Variants in EXO1 observed in about 807,000 individuals in gnomAD.
EXO1 encodes the protein exonuclease 1.
EXO1 carries 69 observed loss-of-function variants against 84.5 expected under a neutral mutation model. The ratio of observed to expected loss-of-function variants is 0.82; its 90% confidence interval spans 0.67 to 1.00. EXO1 has a LOEUF of 1.00. EXO1 is among the 50% of genes least tolerant of loss of function. The pLI is 0.00. For missense variants in EXO1, 1,045 were observed against 1,000.7 expected (o/e 1.04, Z -0.60); for synonymous variants, 373 against 366.1 (o/e 1.02, Z -0.21).
At chr1:241,856,078 G>C (rs944667091) in intron 6 of EXO1, among the ~76,000 whole-genome samples, 6 of 152,370 alleles carry the variant, frequency 3.9e-5, no homozygotes, top group African/African-American at 1.4e-4. Flanking sequence ...GGGAGCCCAG[G>C]CAGAGGAGGC....
chr1:241,878,532 T>C (rs1485551692), intron 12 of EXO1, among the ~76,000 whole-genome samples: 1 of 151,190 alleles, frequency 6.6e-6, no homozygotes, highest in Admixed American at 6.6e-5. Context: ...TGTCTAAAAA[T>C]TCATCGTATA....
Position 241,878,405 on chromosome 1 carries a change from G to T in EXO1, c.1515-344G>T, listed in dbSNP as rs964454152. On this transcript the variant is annotated intron_variant, in intron 12 of 15. Transcript: ENST00000366548. ...CCACCTACTCAGGAGGCTGAGGCAG[G>T]AGAATTGCTTGAACCCGGGGGGCGG... Among the ~76,000 whole-genome samples the T allele has an allele frequency of 1.8e-4, 28 of 151,792 alleles. 1 individual carries two copies. The highest frequency in any genetic ancestry group is 4.8e-5 in the African/African-American group (2 of 41,294).
chr1:241,855,512 G>A (rs948057161), intron 6 of EXO1, among the ~76,000 whole-genome samples: 1 of 152,234 alleles, frequency 6.6e-6, no homozygotes, highest in Non-Finnish European at 1.5e-5. Flanking sequence ...GAGCCCAGCT[G>A]GCTTCACCCA....
At chr1:241,880,355 G>A (rs1196738177) in intron 13 of EXO1, among the ~76,000 whole-genome samples, 1 of 152,062 alleles carries the variant, frequency 6.6e-6, no homozygotes, top group East Asian at 1.9e-4. Flanking sequence ...AGCTCCTTTG[G>A]GGTTATCTTT....
At position 241,852,176 on chromosome 1, in the gene EXO1, A is replaced by T. The variant is rs2148384759; in HGVS notation, c.162-116A>T. On this transcript the variant is annotated intron_variant, in intron 4 of 15. Transcript: ENST00000366548. ...CCAATTCCTATGAAAACATCTGCTT[A>T]AAATAACAAAATAAAAAACCTTCTC... is the stretch of plus-strand genomic sequence containing the variant. The T allele has an allele frequency of 1.3e-5, 12 of 934,620 alleles. No individual in the cohort carries two copies. The South Asian group carries it at 1.7e-4, about 13-fold the overall frequency. 57.9% of individuals were successfully genotyped at this position (934,620 alleles called of 1,614,324 possible). A position where few individuals can be genotyped will look rare whatever the true frequency, so the allele number is the denominator to read the frequency against.
intron 14 of EXO1, among the ~76,000 whole-genome samples, chr1:241,883,613 A>G (rs1013906115): frequency 9.9e-5 from 15 of 152,196 alleles, no homozygotes; most frequent in African/African-American, 3.6e-4. Context: ...AGATACAAAT[A>G]TGAAATATGT....
Position 241,889,598 on chromosome 1 carries a change from T to G in EXO1, c.2539T>G (p.Ter847GluextTer23). Residue 847 changes from the stop codon to glutamate, a stop_lost, in exon 16 of 16, where the codon TAA becomes GAA. Coordinates refer to ENST00000366548, the MANE Select transcript of EXO1 (RefSeq NM_130398.4). Reference sequence around the variant, plus strand: ...CCGTGTTCAAAGAGCAATATTCCAGTAAATGCAGACTGCTGCAAAGCTTTT... The same window carrying G: ...CCGTGTTCAAAGAGCAATATTCCAGGAAATGCAGACTGCTGCAAAGCTTTT... The part of the protein sequence containing the change: ...CGRVQRAIFQ[*>E] The G allele has an allele frequency of 1.9e-6, 3 of 1,614,002 alleles. No homozygotes were observed. Among genetic ancestry groups the G allele is most frequent in the Non-Finnish European group, 2.5e-6 (3 of 1,179,912 alleles).
rs758843857 is a variant in EXO1 at position 241,879,099 on chromosome 1, C to T, written c.1865C>T (p.Pro622Leu). The T allele has an allele frequency of 3.1e-6, 5 of 1,613,802 alleles. No homozygotes were observed. The highest frequency in any genetic ancestry group is 1.3e-5 in the African/African-American group (1 of 74,896). The change falls in exon 13 of 16, where the codon CCG becomes CTG. Residue 622 changes from proline (P) to leucine (L), a missense_variant. By Grantham distance (98) the Pro-to-Leu change is moderately conservative. Transcript: ENST00000366548. ...GGTCTTGGAGATTTTTCAAGAACGC[C>T]GAGCCCCTCTCCAAGCACAGCATTG... ...SGGLGDFSRT[P>L]SPSPSTALQQ...
At chr1:241,868,374 C>CAAAAAAA (rs10591886) in intron 11 of EXO1, among the ~76,000 whole-genome samples, 1 of 115,890 alleles carries the variant, frequency 8.6e-6, no homozygotes. Context: ...GAATCCATCT[C>CAAAAAAA]AAAAAAAAAA....
At chr1:241,888,409 ACTGT>A (rs34855933) in intron 15 of EXO1, among the ~76,000 whole-genome samples, 104,014 of 151,512 alleles carry the variant, frequency 0.69, 37,661 homozygotes, top group Non-Finnish European at 0.81. Context: ...GTGTGATGCC[ACTGT>A]CTTGATTCAC....
chr1:241,886,846 AT>A (rs1663097579), intron 15 of EXO1, among the ~76,000 whole-genome samples: 1 of 152,104 alleles, frequency 6.6e-6, no homozygotes, highest in Admixed American at 6.6e-5. Flanking sequence ...ATGGCTTTAC[AT>A]TTCATTTTGC....
chr1:241,850,942 C>T (rs549920346), intron 4 of EXO1, among the ~76,000 whole-genome samples: 1 of 143,710 alleles, frequency 7.0e-6, no homozygotes, highest in African/African-American at 2.6e-5. Flanking sequence ...TCAAGCAATT[C>T]TCCTGTCTCA....
intron 15 of EXO1, among the ~76,000 whole-genome samples, chr1:241,888,380 T>C (rs529218174): frequency 1.3e-4 from 19 of 149,428 alleles, no homozygotes; most frequent in African/African-American, 4.6e-4. Context: ...ATACAAATAG[T>C]CCTGGTATGA....
intron 10 of EXO1, among the ~76,000 whole-genome samples, chr1:241,866,324 G>C (rs879504806): frequency 5.3e-5 from 8 of 152,212 alleles, no homozygotes; most frequent in Non-Finnish European, 1.2e-4. Flanking sequence ...ATGTTGGCAA[G>C]GCTGGTCTCG....
At position 241,860,516 on chromosome 1, in the gene EXO1, G is replaced by C; in HGVS notation, c.757-1G>C. On this transcript the variant is annotated splice_acceptor_variant, in intron 8 of 15. Coordinates refer to ENST00000366548, the MANE Select transcript of EXO1 (RefSeq NM_130398.4). LOFTEE classifies it high-confidence loss of function. ...TAAAATATTTTTGCATGCATTGTTA[G>C]GTTATCAAGAAAATTGGACATTATC... is the stretch of plus-strand genomic sequence containing the variant. The C allele has an allele frequency of 6.2e-7, 1 of 1,609,932 alleles. No individual in the cohort carries two copies. The highest frequency in any genetic ancestry group is 8.5e-7 in the Non-Finnish European group (1 of 1,176,234).
rs1237840444 is a variant in EXO1 at position 241,879,153 on chromosome 1, C to T, written c.1919C>T (p.Pro640Leu). The T allele has an allele frequency of 1.9e-6, 3 of 1,608,710 alleles. No individual in the cohort carries two copies. Among genetic ancestry groups the T allele is most frequent in the Non-Finnish European group, 2.6e-6 (3 of 1,175,280 alleles). Residue 640 changes from proline to leucine, a missense_variant, in exon 13 of 16, where the codon CCC (proline) becomes CTC (leucine). Pro to Leu is a moderately conservative substitution (Grantham distance 98). Coordinates refer to ENST00000366548, the MANE Select transcript of EXO1 (RefSeq NM_130398.4). ...CAGTTCCGAAGAAAGAGCGATTCCC[C>T]CACCTCTTTGCCTGAGAATAATATG... Reference protein sequence around the residue: ...LQQFRRKSDSPTSLPENNMSD... With the variant: ...LQQFRRKSDSLTSLPENNMSD...
chr1:241,862,125 A>G (rs1189099200), intron 10 of EXO1, among the ~76,000 whole-genome samples: 1 of 151,998 alleles, frequency 6.6e-6, no homozygotes, highest in Non-Finnish European at 1.5e-5. Flanking sequence ...TTTAGTAGAG[A>G]CAGGATTTCT....
chr1:241,859,854 GT>G (rs549170327), intron 8 of EXO1, among the ~76,000 whole-genome samples: 114 of 152,292 alleles, frequency 7.5e-4, no homozygotes, highest in African/African-American at 2.6e-3. Flanking sequence ...ACCCTTAACA[GT>G]TTGCAGAGCA....
chr1:241,866,892 C>T lies in EXO1; in HGVS notation c.1104C>T (p.Ser368=). The part of the protein sequence containing the change: ...DKTCQKSANV[S]SIWHRNYSPR... ...CATGTCAAAAGTCAGCTAATGTTAGCAGCATTTGGCATAGGAATTACTCTC... is the reference window on the plus strand; with the variant it reads ...CATGTCAAAAGTCAGCTAATGTTAGTAGCATTTGGCATAGGAATTACTCTC... The change falls in exon 11 of 16, where the codon AGC becomes AGT. Residue 368 remains serine, a synonymous_variant. Transcript: ENST00000366548. 3 of 1,614,072 alleles carry T rather than the reference C, an allele frequency of 1.9e-6. No individual in the cohort carries two copies. The highest frequency in any genetic ancestry group is 2.5e-6 in the Non-Finnish European group (3 of 1,179,948).
Sources: allele counts gnomAD v4.1 joint callset (sites outside exome capture counted in the v4.1 genomes callset), GRCh38; gene constraint gnomAD v4.1.1; transcripts MANE v1.5; gene names NCBI Gene and HGNC (gene_info 2026-07-23, HGNC 2026-07-21).